The following BRINP3 variants were observed in gnomAD, a reference collection of about 807,000 sequenced individuals.
BRINP3 encodes the protein BMP/retinoic acid inducible neural specific 3.
A neutral mutation model predicts 71.0 loss-of-function variants in BRINP3; 19 were observed. The observed-to-expected ratio is 0.27, with a 90% confidence interval of 0.19 to 0.39. The LOEUF (loss-of-function observed/expected upper bound fraction) is 0.39, where lower values mean the gene tolerates loss of function less well. Ranked by LOEUF, BRINP3 falls within the 10% of genes least tolerant of loss-of-function variation. The probability of loss-of-function intolerance (pLI) is 1.00; values close to 1 mark genes in which losing one functional copy is unlikely to be tolerated. For synonymous variants in BRINP3, 380 were observed against 337.7 expected (o/e 1.13, Z -1.37); for missense variants, 959 against 940.8 (o/e 1.02, Z -0.25).
At chr1:190,291,222 T>C (rs1175154570) in intron 2 of BRINP3, among the ~76,000 whole-genome samples, 1 of 152,026 alleles carries the variant, frequency 6.6e-6, no homozygotes, top group East Asian at 1.9e-4. Flanking sequence ...AGGAAGTGAA[T>C]GATTAAAGAG....
Position 190,435,408 on chromosome 1 carries a change from A to AT in BRINP3, c.236+19246dup, listed in dbSNP as rs3079091. Among the ~76,000 whole-genome samples, 564 of 148,490 alleles carry AT rather than the reference A, an allele frequency of 3.8e-3. 2 individuals are homozygous for AT. Among genetic ancestry groups the AT allele is most frequent in the African/African-American group, 9.3e-3 (377 of 40,670 alleles). ...AACTGTGTCAGGATTTCCAGAACTC[A>AT]TTTTTTTTTTTGAGGCAGAGAGAGC... On this transcript the variant is annotated intron_variant, in intron 2 of 7. Coordinates refer to ENST00000367462, the MANE Select transcript of BRINP3 (RefSeq NM_199051.3).
At chr1:190,260,040 A>G (rs1338283844) in intron 4 of BRINP3, among the ~76,000 whole-genome samples, 1 of 20,352 alleles carries the variant, frequency 4.9e-5, no homozygotes, top group Non-Finnish European at 1.1e-4. Flanking sequence ...AAGAAATTGG[A>G]AAAAAAAAAA....
At chr1:190,138,702 G>A (rs1655177294) in intron 7 of BRINP3, among the ~76,000 whole-genome samples, 1 of 152,162 alleles carries the variant, frequency 6.6e-6, no homozygotes, top group South Asian at 2.1e-4. Context: ...CTGAGGCTGG[G>A]TGTAGCTTTG....
chr1:190,295,205 G>A (rs143467037), intron 2 of BRINP3, among the ~76,000 whole-genome samples: 543 of 152,148 alleles, frequency 3.6e-3, no homozygotes, highest in African/African-American at 0.013. Context: ...CCAGAACTCC[G>A]GTTTGTTCTG....
intron 6 of BRINP3, among the ~76,000 whole-genome samples, chr1:190,186,147 G>C (rs543751386): frequency 6.6e-6 from 1 of 151,976 alleles, no homozygotes; most frequent in Non-Finnish European, 1.5e-5. Flanking sequence ...AGGCCGAGAC[G>C]GGTGGATTAC....
intron 2 of BRINP3, among the ~76,000 whole-genome samples, chr1:190,370,684 G>T (rs1466502593): frequency 6.6e-6 from 1 of 152,202 alleles, no homozygotes. Context: ...GGGCCTTCAT[G>T]GCGAAGCCTG....
chr1:190,202,214 A>C (rs903593284), intron 6 of BRINP3, among the ~76,000 whole-genome samples: 1 of 152,150 alleles, frequency 6.6e-6, no homozygotes, highest in East Asian at 1.9e-4. Flanking sequence ...GTCAAAGGAG[A>C]TCATTCTGGA....
At chr1:190,359,957 A>G (rs571387552) in intron 2 of BRINP3, among the ~76,000 whole-genome samples, 6 of 152,238 alleles carry the variant, frequency 3.9e-5, no homozygotes, top group Non-Finnish European at 7.4e-5. Context: ...ATACAAGCTT[A>G]TTTAGGTTTA....
In BRINP3 at chr1:190,447,667, A is replaced by G. The variant is rs539982696; in HGVS notation, c.236+6988T>C. Among the ~76,000 whole-genome samples the G allele has an allele frequency of 2.7e-5, 4 of 150,102 alleles. No homozygotes were observed. The South Asian group carries it at 8.3e-4, about 31-fold the overall frequency. ...TAGATTTGATTCCAAAACACTTCTG[A>G]CGTATGTTATAGTCTGTCTTTCACA... is the stretch of plus-strand genomic sequence containing the variant. On this transcript the variant is annotated intron_variant, in intron 2 of 7. Coordinates refer to ENST00000367462, the MANE Select transcript of BRINP3 (RefSeq NM_199051.3).
intron 2 of BRINP3, among the ~76,000 whole-genome samples, chr1:190,453,203 A>ATTTTTTTTTTTTTTTT (rs1190785225): frequency 0.012 from 494 of 40,902 alleles, 171 homozygotes; most frequent in East Asian, 0.021. Flanking sequence ...AAACTTTAGT[A>ATTTTTTTTTTTTTTTT]TTTTTTTTTT....
chr1:190,447,133 A>G (rs542205043), intron 2 of BRINP3, among the ~76,000 whole-genome samples: 24 of 151,810 alleles, frequency 1.6e-4, no homozygotes, highest in Non-Finnish European at 3.1e-4. Context: ...GTGAATATGT[A>G]AAATGGAAAT....
chr1:190,106,660 A>C (rs1652195400), intron 7 of BRINP3, among the ~76,000 whole-genome samples: 1 of 151,440 alleles, frequency 6.6e-6, no homozygotes, highest in South Asian at 2.1e-4. Context: ...TTAAAAACAT[A>C]TATTTATTTA....
intron 6 of BRINP3, among the ~76,000 whole-genome samples, chr1:190,189,234 A>G (rs959057203): frequency 6.6e-6 from 1 of 152,106 alleles, no homozygotes; most frequent in Non-Finnish European, 1.5e-5. Flanking sequence ...ATTGTTCTTT[A>G]AAAGTTTGAC....
chr1:190,415,200 C>T (rs905887833), intron 2 of BRINP3, among the ~76,000 whole-genome samples: 2 of 152,246 alleles, frequency 1.3e-5, no homozygotes, highest in Middle Eastern at 3.4e-3. Flanking sequence ...TCTAACATAG[C>T]ATCTGCAAGT....
chr1:190,449,107 T>G (rs1346979279), intron 2 of BRINP3, among the ~76,000 whole-genome samples: 1 of 152,038 alleles, frequency 6.6e-6, no homozygotes, highest in Non-Finnish European at 1.5e-5. Context: ...TTAAATACTG[T>G]CTCTTCCAAG....
chr1:190,098,260 G>A lies in BRINP3; in HGVS notation c.2059C>T (p.Leu687=), dbSNP rs1377796831. The A allele has an allele frequency of 6.2e-7, 1 of 1,614,182 alleles. No individual in the cohort carries two copies. Among genetic ancestry groups the A allele is most frequent in the East Asian group, 2.2e-5 (1 of 44,888 alleles). The change falls in exon 8 of 8, where the codon CTG becomes TTG. Residue 687 remains leucine (L), a synonymous_variant. Coordinates refer to ENST00000367462, the MANE Select transcript of BRINP3 (RefSeq NM_199051.3). The stretch of plus-strand genomic sequence containing the variant: ...GATCCCTGAGTATAGGGGTAGTCCA[G>A]CTGCAAAATCAGGTCCCGAATTGCT... The part of the protein sequence containing the change: ...PEAIRDLILQ[L]DYPYTQGSQD...
chr1:190,360,271 G>T (rs1395242693), intron 2 of BRINP3, among the ~76,000 whole-genome samples: 1 of 152,164 alleles, frequency 6.6e-6, no homozygotes, highest in East Asian at 1.9e-4. Context: ...TAGAGAAACT[G>T]CATAATTATT....
chr1:190,466,362 G>T (rs560951038), intron 1 of BRINP3, among the ~76,000 whole-genome samples: 1 of 151,774 alleles, frequency 6.6e-6, no homozygotes, highest in East Asian at 1.9e-4. Context: ...CATACAAGGT[G>T]AAATGAGCTG....
intron 2 of BRINP3, among the ~76,000 whole-genome samples, chr1:190,308,618 T>A (rs1046576570): frequency 1.3e-5 from 2 of 151,884 alleles, no homozygotes; most frequent in Admixed American, 1.3e-4. Context: ...ATTGTGCACA[T>A]GTACCCTAAA....
Sources: allele counts gnomAD v4.1 joint callset (sites outside exome capture counted in the v4.1 genomes callset), GRCh38; gene constraint gnomAD v4.1.1; transcripts MANE v1.5; gene names NCBI Gene and HGNC (gene_info 2026-07-23, HGNC 2026-07-21).